Variants in DNAAF9 observed in about 807,000 individuals in gnomAD.
DNAAF9 encodes shulin.
A neutral mutation model predicts 167.0 loss-of-function variants in DNAAF9; 90 were observed. That is an observed-to-expected ratio of 0.54 (90% CI 0.45 to 0.64). The LOEUF is 0.64. Ranked by LOEUF, DNAAF9 falls within the 30% of genes least tolerant of loss-of-function variation. The probability of loss-of-function intolerance (pLI) is 0.00; values close to 1 mark genes in which losing one functional copy is unlikely to be tolerated. For missense variants in DNAAF9, 1,315 were observed against 1,442.2 expected (o/e 0.91, Z 1.43); for synonymous variants, 491 against 508.8 (o/e 0.96, Z 0.47).
intron 6 of DNAAF9, among the ~76,000 whole-genome samples, chr20:3,366,705 A>C (rs2083436958): frequency 1.3e-5 from 2 of 152,052 alleles, no homozygotes; most frequent in Admixed American, 6.6e-5. Context: ...TGGGAGGATC[A>C]CTTGAGCCCA....
At chr20:3,338,966 AT>A (rs375570874) in intron 10 of DNAAF9, among the ~76,000 whole-genome samples, 141 of 148,430 alleles carry the variant, frequency 9.5e-4, no homozygotes, top group African/African-American at 3.1e-3. Flanking sequence ...TTCTTGGATG[AT>A]TTTTTTTTTC....
At chr20:3,258,502 C>A (rs1420296328) in intron 33 of DNAAF9, among the ~76,000 whole-genome samples, 4 of 152,164 alleles carry the variant, frequency 2.6e-5, no homozygotes, top group Admixed American at 1.3e-4. Flanking sequence ...GCACAGCAAT[C>A]CAATGAGATA....
intron 6 of DNAAF9, 50 bp downstream of exon 6, chr20:3,373,998 A>C (rs751697245): frequency 2.3e-5 from 28 of 1,194,560 alleles, no homozygotes; most frequent in Non-Finnish European, 3.3e-5. Context: ...TTCTTCATAA[A>C]AACAGCCCAG....
At chr20:3,294,747 CACACATCTCAGACT>C in intron 23 of DNAAF9, 118 bp from the exon 24 acceptor site, 1 of 662,412 alleles carries the variant, frequency 1.5e-6, no homozygotes. Flanking sequence ...TCTTCCAAAA[CACACATCTCAGACT>C]TAAACAAAAT....
chr20:3,326,388 G>T, intron 12 of DNAAF9, 104 bp from the exon 13 acceptor site: 1 of 811,928 alleles, frequency 1.2e-6, no homozygotes, highest in South Asian at 1.6e-5. Context: ...TTTTTAAACA[G>T]AATGAAAAAA....
chr20:3,268,434 T>G (rs1680709798), intron 30 of DNAAF9, among the ~76,000 whole-genome samples: 1 of 152,076 alleles, frequency 6.6e-6, no homozygotes, highest in South Asian at 2.1e-4. Context: ...GTTTAAGCGA[T>G]TCTCTTGCCT....
At chr20:3,336,418 T>TG (rs953869272) in intron 10 of DNAAF9, among the ~76,000 whole-genome samples, 1 of 151,932 alleles carries the variant, frequency 6.6e-6, no homozygotes, top group Non-Finnish European at 1.5e-5. Context: ...TGTTCAGTTT[T>TG]TTTTTTCAGT....
chr20:3,253,578 G>T (rs1419226887), intron 36 of DNAAF9, 148 bp downstream of exon 36: 2 of 625,198 alleles, frequency 3.2e-6, no homozygotes, highest in African/African-American at 1.8e-5. Context: ...GTTTGCCCCT[G>T]TGCATTCCTG....
chr20:3,352,887 A>T (rs1392894798), intron 7 of DNAAF9, among the ~76,000 whole-genome samples: 1 of 148,842 alleles, frequency 6.7e-6, no homozygotes, highest in Non-Finnish European at 1.5e-5. Context: ...TTTACATGTT[A>T]TATATATATG....
At chr20:3,265,290 C>A (rs568834717) in intron 30 of DNAAF9, among the ~76,000 whole-genome samples, 1 of 152,172 alleles carries the variant, frequency 6.6e-6, no homozygotes, top group African/African-American at 2.4e-5. Flanking sequence ...TTAGGCCGGG[C>A]GCGATGGCTC....
intron 6 of DNAAF9, among the ~76,000 whole-genome samples, chr20:3,371,000 C>T (rs2083500026): frequency 6.6e-6 from 1 of 152,084 alleles, no homozygotes; most frequent in East Asian, 1.9e-4. Flanking sequence ...TAATTCTTTC[C>T]TTTCAATATC....
Position 3,326,303 on chromosome 20 carries a change from A to G in DNAAF9, c.1101-19T>C. On this transcript the variant is annotated intron_variant, in intron 12 of 36. Transcript: ENST00000252032. ...TAGCCTACTTTAAAAACAAAAAATA[A>G]TGGTTAACATTACAGCATCATGAGG... is the stretch of plus-strand genomic sequence containing the variant. 1.3e-6 allele frequency: 2 copies of G among 1,511,672 alleles called. No individual in the cohort carries two copies. The highest frequency in any genetic ancestry group is 1.1e-5 in the South Asian group (1 of 88,022). 93.6% of individuals were successfully genotyped at this position (1,511,672 alleles called of 1,614,324 possible). A position where few individuals can be genotyped will look rare whatever the true frequency, so the allele number is the denominator to read the frequency against.
chr20:3,270,920 C>T (rs2068582584), intron 29 of DNAAF9, among the ~76,000 whole-genome samples: 2 of 151,310 alleles, frequency 1.3e-5, no homozygotes, highest in Non-Finnish European at 2.9e-5. Context: ...TCAAGCAATT[C>T]TCCTGCCTCA....
intron 27 of DNAAF9, among the ~76,000 whole-genome samples, chr20:3,283,801 A>G (rs1050608855): frequency 6.6e-6 from 1 of 152,116 alleles, no homozygotes; most frequent in Admixed American, 6.5e-5. Context: ...GTAGAGACTC[A>G]TTTCTTAGGG....
intron 26 of DNAAF9, among the ~76,000 whole-genome samples, chr20:3,289,649 A>C (rs1300445112): frequency 6.6e-6 from 1 of 152,054 alleles, no homozygotes; most frequent in Non-Finnish European, 1.5e-5. Flanking sequence ...CCTCCCGAGT[A>C]GCTGGGACTA....
chr20:3,309,144 T>G (rs927610095), intron 20 of DNAAF9, among the ~76,000 whole-genome samples: 1 of 152,182 alleles, frequency 6.6e-6, no homozygotes, highest in Non-Finnish European at 1.5e-5. Context: ...TCAAAGTTAT[T>G]GACATTTTTA....
chr20:3,293,862 G>A (rs114381497), intron 25 of DNAAF9, among the ~76,000 whole-genome samples: 2 of 152,190 alleles, frequency 1.3e-5, no homozygotes, highest in African/African-American at 4.8e-5. Flanking sequence ...CTGAGTAGGA[G>A]TTTAAATGTT....
intron 6 of DNAAF9, among the ~76,000 whole-genome samples, chr20:3,365,901 G>T (rs746642017): frequency 6.6e-6 from 1 of 152,126 alleles, no homozygotes; most frequent in Admixed American, 6.5e-5. Flanking sequence ...CCCATCCATT[G>T]AAGTTTTTAA....
rs2084082494 is a variant in DNAAF9 at position 3,407,575 on chromosome 20, G to A, written c.-18C>T. 8.1e-7 allele frequency: 1 copy of A among 1,232,546 alleles called. No homozygotes were observed. The highest frequency in any genetic ancestry group is 1.0e-6 in the Non-Finnish European group (1 of 988,312). 76.4% of individuals were successfully genotyped at this position (1,232,546 alleles called of 1,614,324 possible). Reference sequence around the variant, plus strand: ...ACGTCCATGGCGGCGGACGACTGGCGGCGGAGGAGGACGGTGCAGCTGCGA... The same window carrying A: ...ACGTCCATGGCGGCGGACGACTGGCAGCGGAGGAGGACGGTGCAGCTGCGA... On this transcript the variant is annotated 5_prime_UTR_variant, in exon 1 of 37. Coordinates refer to ENST00000252032, the MANE Select transcript of DNAAF9 (RefSeq NM_001009984.3).
Sources: allele counts gnomAD v4.1 joint callset (sites outside exome capture counted in the v4.1 genomes callset), GRCh38; gene constraint gnomAD v4.1.1; transcripts MANE v1.5; gene names NCBI Gene and HGNC (gene_info 2026-07-23, HGNC 2026-07-21).